Variants in SPATS2L observed in about 807,000 individuals in gnomAD.
SPATS2L encodes SPATS2-like protein.
A neutral mutation model predicts 59.6 loss-of-function variants in SPATS2L; 30 were observed. That is an observed-to-expected ratio of 0.50 (90% CI 0.38 to 0.68). The LOEUF (loss-of-function observed/expected upper bound fraction) is 0.68, where lower values mean the gene tolerates loss of function less well. Among genes scored for constraint, SPATS2L ranks in the 30% least tolerant of loss-of-function variants. The pLI is 0.00. For synonymous variants in SPATS2L, 252 were observed against 263.5 expected, an observed-to-expected ratio of 0.96 and a Z score of 0.42; for missense variants, 615 against 700.0, an observed-to-expected ratio of 0.88 and a Z score of 1.37.
rs570473836 is a variant in SPATS2L at position 200,480,916 on chromosome 2, A to G, written c.*2885A>G. The stretch of plus-strand genomic sequence containing the variant: ...CAGTAGTCAGATTATTCTCTTAAAC[A>G]TTTGCCTAGTAGAGGTTAAAATAGT... On this transcript the variant is annotated 3_prime_UTR_variant, in exon 13 of 13. Coordinates refer to ENST00000409140, the MANE Select transcript of SPATS2L (RefSeq NM_001100423.2). 5.9e-5 allele frequency: 9 copies of G among 152,336 alleles called. No individual in the cohort carries two copies. Among genetic ancestry groups the G allele is most frequent in the Non-Finnish European group, 1.5e-5 (1 of 68,024 alleles). The allele number at this position is 152,336 out of a possible 1,614,324, so 9.4% of individuals were successfully genotyped here. A position where few individuals can be genotyped will look rare whatever the true frequency, so the allele number is the denominator to read the frequency against.
intron 1 of SPATS2L, among the ~76,000 whole-genome samples, chr2:200,319,085 T>C (rs778097523): frequency 7.2e-5 from 11 of 152,182 alleles, no homozygotes; most frequent in Non-Finnish European, 1.5e-4. Flanking sequence ...CATCCGCCCT[T>C]TGAATGCCAC....
At chr2:200,468,491 T>C (rs1357980442) in intron 10 of SPATS2L, among the ~76,000 whole-genome samples, 1 of 152,102 alleles carries the variant, frequency 6.6e-6, no homozygotes, top group Non-Finnish European at 1.5e-5. Context: ...TTGGCAATGA[T>C]TGACAGTGGC....
intron 4 of SPATS2L, among the ~76,000 whole-genome samples, chr2:200,414,475 T>G (rs1166281226): frequency 6.6e-6 from 1 of 151,952 alleles, no homozygotes; most frequent in African/African-American, 2.4e-5. Context: ...AATTTTTTGT[T>G]TTTAATTAGT....
chr2:200,374,193 C>T (rs948634181), intron 2 of SPATS2L, among the ~76,000 whole-genome samples: 1 of 152,116 alleles, frequency 6.6e-6, no homozygotes, highest in Admixed American at 6.6e-5. Flanking sequence ...TCGTGGCCTC[C>T]CAGTAAATAT....
intron 1 of SPATS2L, among the ~76,000 whole-genome samples, chr2:200,310,684 A>G (rs2079165667): frequency 6.6e-6 from 1 of 152,218 alleles, no homozygotes; most frequent in Admixed American, 6.5e-5. Context: ...TGTACCTCAC[A>G]GTCTTGCCCC....
chr2:200,396,671 C>A (rs926056548), intron 3 of SPATS2L, among the ~76,000 whole-genome samples: 1 of 152,100 alleles, frequency 6.6e-6, no homozygotes, highest in Non-Finnish European at 1.5e-5. Flanking sequence ...ACATTAACTC[C>A]ATTTAATAGA....
At chr2:200,453,735 T>C (rs1298533639) in intron 8 of SPATS2L, among the ~76,000 whole-genome samples, 2 of 152,242 alleles carry the variant, frequency 1.3e-5, no homozygotes, top group Non-Finnish European at 2.9e-5. Flanking sequence ...CAGTTCTTAT[T>C]CCTTTGCATT....
intron 2 of SPATS2L, among the ~76,000 whole-genome samples, chr2:200,337,261 A>G (rs2080173032): frequency 6.6e-6 from 1 of 152,220 alleles, no homozygotes; most frequent in African/African-American, 2.4e-5. Context: ...CAGCATACAA[A>G]ATTTTTTAAT....
chr2:200,306,767 G>C lies in SPATS2L; in HGVS notation c.-228G>C. On this transcript the variant is annotated 5_prime_UTR_variant, in exon 1 of 13. Transcript: ENST00000409140. ...TCCGCTGCAAGCGCCGGCAGCGCGG[G>C]GCGAGCTCCGGACGGCGCGCGGCCC... 10 of 982,396 alleles carry C rather than the reference G, an allele frequency of 1.0e-5. No individual in the cohort carries two copies. The highest frequency in any genetic ancestry group is 1.1e-5 in the Non-Finnish European group (9 of 828,576). The allele number at this position is 982,396 out of a possible 1,614,324, so 60.9% of individuals were successfully genotyped here.
At chr2:200,353,070 T>C (rs2080795481) in intron 2 of SPATS2L, among the ~76,000 whole-genome samples, 1 of 152,220 alleles carries the variant, frequency 6.6e-6, no homozygotes, top group African/African-American at 2.4e-5. Flanking sequence ...AAGGATACTC[T>C]GGTAGCAGAA....
chr2:200,340,599 G>A (rs773001898), intron 2 of SPATS2L, among the ~76,000 whole-genome samples: 1 of 152,066 alleles, frequency 6.6e-6, no homozygotes, highest in Non-Finnish European at 1.5e-5. Flanking sequence ...GGTGGGGAGG[G>A]CTGTGGAGAG....
chr2:200,343,606 AT>A (rs1316155687), intron 2 of SPATS2L, among the ~76,000 whole-genome samples: 1 of 152,174 alleles, frequency 6.6e-6, no homozygotes, highest in East Asian at 1.9e-4. Context: ...TAAGGAAATA[AT>A]TAAAGATATG....
chr2:200,388,361 A>G (rs747834127), intron 2 of SPATS2L, among the ~76,000 whole-genome samples: 41 of 152,180 alleles, frequency 2.7e-4, no homozygotes, highest in Non-Finnish European at 5.4e-4. Flanking sequence ...GCTTGAGCCC[A>G]GGAGTTTGAG....
In SPATS2L at chr2:200,480,393, A is replaced by G. The variant is rs919248826; in HGVS notation, c.*2362A>G. The G allele has an allele frequency of 7.6e-6, 1 of 131,878 alleles. No homozygotes were observed. Among genetic ancestry groups the G allele is most frequent in the Non-Finnish European group, 1.6e-5 (1 of 63,232 alleles). 8.2% of individuals were successfully genotyped at this position (131,878 alleles called of 1,614,324 possible). A position where few individuals can be genotyped will look rare whatever the true frequency, so the allele number is the denominator to read the frequency against. On this transcript the variant is annotated 3_prime_UTR_variant, in exon 13 of 13. Coordinates refer to ENST00000409140, the MANE Select transcript of SPATS2L (RefSeq NM_001100423.2). ...TGCTCTATCACCTAGGCTGGAGTGC[A>G]TGTTTTTGAGACAGGGTCTTGCTCT...
Position 200,419,489 on chromosome 2 carries a change from G to A in SPATS2L, c.438G>A (p.Gly146=). The change falls in exon 6 of 13, where the codon GGG becomes GGA. Residue 146 remains glycine (G), a synonymous_variant. Transcript: ENST00000409140. The part of the protein sequence containing the change: ...ILEEPSKALR[G]VTEGNRLLQQ... Reference sequence around the variant, plus strand: ...AGGAACCTTCAAAGGCACTTCGTGGGGTCACAGGTCAGTAATGCTTAAGTA... The same window carrying A: ...AGGAACCTTCAAAGGCACTTCGTGGAGTCACAGGTCAGTAATGCTTAAGTA... The A allele has an allele frequency of 6.2e-7, 1 of 1,613,808 alleles. No individual in the cohort carries two copies. Among genetic ancestry groups the A allele is most frequent in the Non-Finnish European group, 8.5e-7 (1 of 1,179,838 alleles).
chr2:200,402,359 C>T (rs2082554067), intron 3 of SPATS2L, among the ~76,000 whole-genome samples: 1 of 152,186 alleles, frequency 6.6e-6, no homozygotes, highest in African/African-American at 2.4e-5. Context: ...CCACAGTCCC[C>T]CTCCTTTTCA....
At chr2:200,424,573 T>C (rs2083451233) in intron 6 of SPATS2L, among the ~76,000 whole-genome samples, 1 of 152,204 alleles carries the variant, frequency 6.6e-6, no homozygotes, top group South Asian at 2.1e-4. Context: ...TCTAAATGTC[T>C]AAAGCACATG....
At chr2:200,363,124 A>G (rs563076363) in intron 2 of SPATS2L, among the ~76,000 whole-genome samples, 1 of 152,290 alleles carries the variant, frequency 6.6e-6, no homozygotes, top group East Asian at 1.9e-4. Flanking sequence ...TGAAAGGGGC[A>G]GTAATGTATG....
intron 2 of SPATS2L, among the ~76,000 whole-genome samples, chr2:200,375,408 G>T (rs371881584): frequency 6.6e-6 from 1 of 152,106 alleles, no homozygotes; most frequent in Non-Finnish European, 1.5e-5. Context: ...ACAGTAAGAA[G>T]AAATAAAATC....
Sources: gnomAD v4.1 joint callset for allele counts (sites outside exome capture counted in the v4.1 genomes callset) on GRCh38, gnomAD v4.1.1 for gene constraint, MANE v1.5 for transcripts, NCBI Gene and HGNC (gene_info 2026-07-23, HGNC 2026-07-21) for gene names.